THSD4: variants seen among roughly 807,000 people sequenced by gnomAD.
THSD4 encodes the protein thrombospondin type-1 domain-containing protein 4.
In THSD4, 69 loss-of-function variants were observed where a neutral mutation model predicts 119.0. That is an observed-to-expected ratio of 0.58 (90% CI 0.48 to 0.71). The LOEUF is 0.71. Ranked by LOEUF, THSD4 falls within the 30% of genes least tolerant of loss-of-function variation. The probability of loss-of-function intolerance (pLI) is 0.00; values close to 1 mark genes in which losing one functional copy is unlikely to be tolerated. For missense variants in THSD4, 1,393 were observed against 1,391.1 expected (o/e 1.00, Z -0.02); for synonymous variants, 524 against 540.4 (o/e 0.97, Z 0.42).
intron 6 of THSD4, among the ~76,000 whole-genome samples, chr15:71,295,423 G>A (rs2044849497): frequency 6.6e-6 from 1 of 152,096 alleles, no homozygotes; most frequent in Non-Finnish European, 1.5e-5. Context: ...GAGTTAAGGG[G>A]GAAAAGGGTT....
In THSD4 at chr15:71,727,251, G is replaced by A. The variant is rs995484672; in HGVS notation, c.1358-1298G>A. 5.3e-5 allele frequency among the ~76,000 whole-genome samples: 8 copies of A among 151,890 alleles called. No homozygotes were observed. The South Asian group carries it at 6.2e-4, about 12-fold the overall frequency. On this transcript the variant is annotated intron_variant, in intron 8 of 17. Coordinates refer to ENST00000261862, the MANE Select transcript of THSD4 (RefSeq NM_024817.3). ...CGATTAAATTTGACAGTGCACGTGC[G>A]GTATCTAACACAGCCCACAGCCTCA...
rs140347269 is a variant in THSD4, at chr15:71,606,781, C to T, written c.1153-53749C>T. On this transcript the variant is annotated intron_variant, in intron 7 of 17. Coordinates refer to ENST00000261862, the MANE Select transcript of THSD4 (RefSeq NM_024817.3). The stretch of plus-strand genomic sequence containing the variant: ...TTTCAAACTCCCGACCTCAGGTGAT[C>T]CACCTGCCTCAGCCTCCCAGAGTGC... Among the ~76,000 whole-genome samples, 1,088 of 152,246 alleles carry T rather than the reference C, an allele frequency of 7.1e-3. 10 individuals carry two copies. Among genetic ancestry groups the T allele is most frequent in the African/African-American group, 0.024 (1,005 of 41,540 alleles).
chr15:71,738,259 G>T, intron 11 of THSD4: 1 of 484,752 alleles, frequency 2.1e-6, no homozygotes, highest in Non-Finnish European at 3.7e-6. Context: ...GTTCACAATA[G>T]GGTTCACGCT....
chr15:71,430,538 T>C (rs151185048), intron 7 of THSD4, among the ~76,000 whole-genome samples: 228 of 152,162 alleles, frequency 1.5e-3, no homozygotes, highest in Non-Finnish European at 1.9e-3. Context: ...ACTACACAAA[T>C]TGAGTGAATT....
At chr15:71,423,846 A>G (rs2046837935) in intron 7 of THSD4, among the ~76,000 whole-genome samples, 1 of 152,162 alleles carries the variant, frequency 6.6e-6, no homozygotes. Flanking sequence ...GCCATAACTC[A>G]AGTTCCAACC....
chr15:71,480,791 G>T (rs1056035045), intron 7 of THSD4, among the ~76,000 whole-genome samples: 1 of 152,190 alleles, frequency 6.6e-6, no homozygotes, highest in Admixed American at 6.5e-5. Context: ...CTAAAGTCAG[G>T]GGGCAGGGAG....
chr15:71,185,421 C>G (rs1378351027), intron 3 of THSD4: 1 of 151,654 alleles, frequency 6.6e-6, no homozygotes, highest in Non-Finnish European at 1.5e-5. Context: ...TCTCTTTGGC[C>G]TACCTTGTTT....
At chr15:71,121,432 C>T (rs1596208553) in intron 1 of THSD4, among the ~76,000 whole-genome samples, 1 of 151,966 alleles carries the variant, frequency 6.6e-6, no homozygotes, top group Non-Finnish European at 1.5e-5. Context: ...ACAGAAGCAA[C>T]TTCTCTTCCA....
intron 7 of THSD4, among the ~76,000 whole-genome samples, chr15:71,598,762 CA>C (rs1567055506): frequency 1.3e-5 from 2 of 152,034 alleles, no homozygotes; most frequent in African/African-American, 2.4e-5. Context: ...GGACTACAGG[CA>C]CATACCACCC....
intron 2 of THSD4, among the ~76,000 whole-genome samples, chr15:71,153,205 C>A (rs898239686): frequency 6.6e-6 from 1 of 152,188 alleles, no homozygotes; most frequent in Non-Finnish European, 1.5e-5. Context: ...AGAGTTCCTA[C>A]TTTTCCTTCC....
At chr15:71,565,584 A>G (rs1293406193) in intron 7 of THSD4, among the ~76,000 whole-genome samples, 2 of 152,254 alleles carry the variant, frequency 1.3e-5, no homozygotes, top group African/African-American at 4.8e-5. Context: ...GAAATGATTT[A>G]GAGAAGTAAA....
intron 11 of THSD4, among the ~76,000 whole-genome samples, chr15:71,742,597 C>G (rs2053257741): frequency 6.6e-6 from 1 of 152,182 alleles, no homozygotes; most frequent in Admixed American, 6.6e-5. Flanking sequence ...TGCCTGAAGC[C>G]CAGCCAGTGC....
chr15:71,484,919 A>G (rs1327114620), intron 7 of THSD4, among the ~76,000 whole-genome samples: 2 of 152,258 alleles, frequency 1.3e-5, no homozygotes, highest in Non-Finnish European at 2.9e-5. Flanking sequence ...ACGTCCCATC[A>G]TCTCAGAGGC....
At chr15:71,436,874 C>T (rs907090719) in intron 7 of THSD4, among the ~76,000 whole-genome samples, 10 of 152,102 alleles carry the variant, frequency 6.6e-5, no homozygotes, top group Non-Finnish European at 1.3e-4. Flanking sequence ...CACGCAGTGA[C>T]CTGGGACAAA....
intron 7 of THSD4, among the ~76,000 whole-genome samples, chr15:71,620,253 T>A (rs1461117063): frequency 6.6e-6 from 1 of 152,200 alleles, no homozygotes; most frequent in Non-Finnish European, 1.5e-5. Context: ...AGCTAACTAA[T>A]GAAAAATGCT....
chr15:71,118,317 CT>C (rs1394639610), intron 1 of THSD4, among the ~76,000 whole-genome samples: 1 of 152,160 alleles, frequency 6.6e-6, no homozygotes, highest in Non-Finnish European at 1.5e-5. Context: ...CTATCATGGT[CT>C]TATCTGCCCT....
At chr15:71,189,669 C>CA (rs34897270) in intron 3 of THSD4, among the ~76,000 whole-genome samples, 79,334 of 146,258 alleles carry the variant, frequency 0.54, 23,320 homozygotes, top group Middle Eastern at 0.68. Flanking sequence ...GACTCCGTCT[C>CA]AAAAAAAAAA....
chr15:71,481,963 A>G (rs902392098), intron 7 of THSD4, among the ~76,000 whole-genome samples: 14 of 152,244 alleles, frequency 9.2e-5, no homozygotes, highest in Non-Finnish European at 1.9e-4. Flanking sequence ...GCTCAGAGCC[A>G]TAAGTGCCCT....
At chr15:71,727,531 T>TA (rs368424121) in intron 8 of THSD4, among the ~76,000 whole-genome samples, 6 of 15,698 alleles carry the variant, frequency 3.8e-4, no homozygotes, top group African/African-American at 1.8e-3. Context: ...CCCCATCTCT[T>TA]AAAAAAAAAA....
Sources: allele counts gnomAD v4.1 joint callset (sites outside exome capture counted in the v4.1 genomes callset), GRCh38; gene constraint gnomAD v4.1.1; transcripts MANE v1.5; gene names NCBI Gene and HGNC (gene_info 2026-07-23, HGNC 2026-07-21).